WFDC1: variants seen among roughly 807,000 people sequenced by gnomAD.
WFDC1 encodes WAP four-disulfide core domain protein 1.
WFDC1 carries 39 observed loss-of-function variants against 32.9 expected under a neutral mutation model. That is an observed-to-expected ratio of 1.19 (90% CI 0.92 to 1.55). WFDC1 has a LOEUF of 1.55. Ranked by LOEUF, WFDC1 falls within the 40% of genes most tolerant of loss-of-function variation. The pLI is 0.00. For synonymous variants in WFDC1, 184 were observed against 137.4 expected, an observed-to-expected ratio of 1.34 and a Z score of -2.37; for missense variants, 386 against 309.5, an observed-to-expected ratio of 1.25 and a Z score of -1.85.
At position 84,313,038 on chromosome 16, in the gene WFDC1, C is replaced by A; in HGVS notation, c.222C>A (p.Pro74=). The A allele has an allele frequency of 7.3e-7, 1 of 1,365,398 alleles. No homozygotes were observed. Among genetic ancestry groups the A allele is most frequent in the Non-Finnish European group, 9.4e-7 (1 of 1,060,606 alleles). 84.6% of individuals were successfully genotyped at this position (1,365,398 alleles called of 1,614,324 possible). A position where few individuals can be genotyped will look rare whatever the true frequency, so the allele number is the denominator to read the frequency against. ...GCCCGCCGCCTCCGCGGACGCTGCC[C>A]CCCGGCGCCTGCCAGGCCGCGCGCT... ...DRCPPPPRTL[P]PGACQAARCQ... Residue 74 remains proline (P), a synonymous_variant, in exon 2 of 7, where the codon CCC becomes CCA. Transcript: ENST00000219454.
chr16:84,324,981 A>G (rs1908505592), intron 5 of WFDC1, among the ~76,000 whole-genome samples: 1 of 151,466 alleles, frequency 6.6e-6, no homozygotes, highest in Admixed American at 6.6e-5. Flanking sequence ...CAATCTATTC[A>G]TCCATCTATT....
chr16:84,326,676 A>G, intron 5 of WFDC1: 1 of 574,064 alleles, frequency 1.7e-6, no homozygotes, highest in Admixed American at 3.0e-5. Context: ...AGGTAAGACC[A>G]GAAACATAGA....
intron 1 of WFDC1, among the ~76,000 whole-genome samples, chr16:84,296,021 C>T (rs564536651): frequency 1.1e-3 from 166 of 152,186 alleles, no homozygotes; most frequent in Non-Finnish European, 1.9e-3. Flanking sequence ...GCTGAGGAAG[C>T]AATAAAGCAG....
chr16:84,312,206 C>T (rs1490862020), intron 1 of WFDC1, among the ~76,000 whole-genome samples: 3 of 152,058 alleles, frequency 2.0e-5, no homozygotes, highest in African/African-American at 7.2e-5. Flanking sequence ...TACTTCAAAG[C>T]GTATAAATCC....
intron 2 of WFDC1, chr16:84,316,359 A>G (rs993368087): frequency 2.0e-5 from 3 of 152,240 alleles, no homozygotes; most frequent in Admixed American, 2.0e-4. Context: ...TATTCTCTTT[A>G]TAAAGATAAA....
intron 1 of WFDC1, among the ~76,000 whole-genome samples, chr16:84,310,587 C>G (rs1272846950): frequency 1.3e-5 from 2 of 152,196 alleles, no homozygotes; most frequent in African/African-American, 2.4e-5. Flanking sequence ...ATTCTTCTCT[C>G]CAAAGGCACC....
intron 4 of WFDC1, 127 bp from the exon 5 acceptor site, chr16:84,324,292 C>G: frequency 7.4e-6 from 6 of 805,826 alleles, no homozygotes; most frequent in Non-Finnish European, 1.2e-5. Context: ...AGCCTCTGAA[C>G]AATTCCATTG....
At position 84,294,915 on chromosome 16, in the gene WFDC1, G is replaced by A. The variant is rs573023883; in HGVS notation, c.-57G>A. ...CTCCTGTCCCCACTCACAGGCCCAC[G>A]CAGCGAGGGGGGCCCCTCTTCTGTG... On this transcript the variant is annotated 5_prime_UTR_variant, in exon 1 of 7. Transcript: ENST00000219454. 18 of 1,575,422 alleles carry A rather than the reference G, an allele frequency of 1.1e-5. No homozygotes were observed. Among genetic ancestry groups the A allele is most frequent in the Admixed American group, 8.9e-5 (5 of 56,276 alleles).
At chr16:84,326,853 A>T in intron 5 of WFDC1, 29 bp from the exon 6 acceptor site, 1 of 1,613,916 alleles carries the variant, frequency 6.2e-7, no homozygotes, top group African/African-American at 1.3e-5. Context: ...AGATACATCT[A>T]CCCCAACAGA....
chr16:84,311,740 T>G (rs535912922), intron 1 of WFDC1, among the ~76,000 whole-genome samples: 1 of 146,876 alleles, frequency 6.8e-6, no homozygotes, highest in Admixed American at 7.0e-5. Flanking sequence ...TTTCGCTATG[T>G]TGGCCAGCCT....
intron 1 of WFDC1, among the ~76,000 whole-genome samples, chr16:84,310,503 TA>T (rs143397421): frequency 0.04 from 6,070 of 152,172 alleles, 389 homozygotes; most frequent in African/African-American, 0.14. Flanking sequence ...GAAGAATGTG[TA>T]CATGGTAAAA....
chr16:84,319,541 G>T lies in WFDC1; in HGVS notation c.532G>T (p.Gly178Trp). The change falls in exon 4 of 7, where the codon GGG becomes TGG. Residue 178 changes from glycine (G) to tryptophan (W), a missense_variant. By Grantham distance (184) the Gly-to-Trp change is radical. Transcript: ENST00000219454. The part of the protein sequence containing the change: ...GDVAEGIPNR[G>W]QCVKQRRQAD... Reference sequence around the variant, plus strand: ...CGTGGCCGAAGGTATCCCCAACCGTGGGCAGTGCGTCAAGCAGCGCCGGCA... The same window carrying T: ...CGTGGCCGAAGGTATCCCCAACCGTTGGCAGTGCGTCAAGCAGCGCCGGCA... 1 of 1,613,000 alleles carries T rather than the reference G, an allele frequency of 6.2e-7. No individual in the cohort carries two copies. Among genetic ancestry groups the T allele is most frequent in the Non-Finnish European group, 8.5e-7 (1 of 1,179,938 alleles).
At chr16:84,298,265 G>T (rs927114568) in intron 1 of WFDC1, among the ~76,000 whole-genome samples, 1 of 151,800 alleles carries the variant, frequency 6.6e-6, no homozygotes, top group Non-Finnish European at 1.5e-5. Flanking sequence ...GTACCACCAC[G>T]CCTGGCTAAT....
chr16:84,310,737 C>T (rs3785050), intron 1 of WFDC1, among the ~76,000 whole-genome samples: 13,296 of 152,138 alleles, frequency 0.087, 686 homozygotes, highest in East Asian at 0.18. Flanking sequence ...TGTTCCGAAC[C>T]GTGGTTTTCT....
At chr16:84,318,246 C>T in intron 2 of WFDC1, 26 bp from the exon 3 acceptor site, 1 of 1,613,396 alleles carries the variant, frequency 6.2e-7, no homozygotes, top group East Asian at 2.2e-5. Context: ...TGAGGAGGGC[C>T]CTGATCTGAC....
chr16:84,296,749 G>T (rs1394347713), intron 1 of WFDC1: 2 of 152,272 alleles, frequency 1.3e-5, no homozygotes, highest in Non-Finnish European at 2.9e-5. Flanking sequence ...GTCACCTAAG[G>T]CTTCCTGGAG....
chr16:84,303,645 C>T (rs150864033), intron 1 of WFDC1, among the ~76,000 whole-genome samples: 3 of 152,284 alleles, frequency 2.0e-5, no homozygotes, highest in Non-Finnish European at 2.9e-5. Flanking sequence ...GTATTTTATT[C>T]GTACTGATTC....
At chr16:84,311,072 C>A (rs1289709255) in intron 1 of WFDC1, among the ~76,000 whole-genome samples, 3 of 152,104 alleles carry the variant, frequency 2.0e-5, no homozygotes, top group Non-Finnish European at 4.4e-5. Context: ...ACAAACTGCT[C>A]ACCACGCACC....
chr16:84,312,124 C>G (rs1597677951), intron 1 of WFDC1, among the ~76,000 whole-genome samples: 1 of 152,150 alleles, frequency 6.6e-6, no homozygotes, highest in Non-Finnish European at 1.5e-5. Context: ...GAGATCGCGC[C>G]ACTGCATTCC....
Sources: allele counts gnomAD v4.1 joint callset (sites outside exome capture counted in the v4.1 genomes callset), GRCh38; gene constraint gnomAD v4.1.1; transcripts MANE v1.5; gene names NCBI Gene and HGNC (gene_info 2026-07-23, HGNC 2026-07-21).